The following KDM6A variants were observed in gnomAD, a reference collection of about 807,000 sequenced individuals.
The protein encoded by KDM6A is lysine demethylase 6A.
Under a neutral mutation model 117.6 loss-of-function variants are expected in KDM6A, and 11 were observed. That is an observed-to-expected ratio of 0.09 (90% CI 0.06 to 0.15). KDM6A has a LOEUF of 0.15. Among genes scored for constraint, KDM6A ranks in the 10% least tolerant of loss-of-function variants. The probability of loss-of-function intolerance (pLI) is 1.00; values close to 1 mark genes in which losing one functional copy is unlikely to be tolerated. For missense variants in KDM6A, 799 were observed against 1,077.3 expected (o/e 0.74, Z 3.62); for synonymous variants, 384 against 396.1 (o/e 0.97, Z 0.36).
intron 2 of KDM6A, among the ~76,000 whole-genome samples, chrX:44,914,494 G>A (rs1191983790): frequency 9.1e-6 from 1 of 110,426 alleles, no homozygotes; most frequent in Non-Finnish European, 1.9e-5. Context: ...GGTAGATAAA[G>A]GAAATGAAGG....
At chrX:44,951,925 C>G (rs1393295894) in intron 2 of KDM6A, among the ~76,000 whole-genome samples, 3 of 111,181 alleles carry the variant, frequency 2.7e-5, no homozygotes, top group Non-Finnish European at 5.7e-5. Flanking sequence ...TGTAATAGAC[C>G]CCATTTCATA....
intron 2 of KDM6A, among the ~76,000 whole-genome samples, chrX:44,886,161 G>A (rs950771632): frequency 3.7e-5 from 4 of 108,703 alleles, no homozygotes; most frequent in African/African-American, 1.0e-4. Context: ...GGGTTCAAGC[G>A]ATTCTTCTGC....
chrX:44,880,716 AAGG>A (rs1304658404), intron 2 of KDM6A, among the ~76,000 whole-genome samples: 1 of 109,283 alleles, frequency 9.2e-6, no homozygotes, highest in Non-Finnish European at 1.9e-5. Context: ...TGTTTGAACC[AAGG>A]AGGCGGAGGT....
At chrX:45,097,527 A>G (rs1252083539) in intron 27 of KDM6A, among the ~76,000 whole-genome samples, 2 of 111,284 alleles carry the variant, frequency 1.8e-5, no homozygotes, top group Non-Finnish European at 3.8e-5. Context: ...AAGTAGCCCC[A>G]GGTCAAATTT....
At chrX:45,012,170 A>G (rs1288297492) in intron 5 of KDM6A, among the ~76,000 whole-genome samples, 3 of 103,766 alleles carry the variant, frequency 2.9e-5, no homozygotes, top group Non-Finnish European at 5.9e-5. Context: ...GATACAGTAC[A>G]TTTTATAAAA....
chrX:44,966,869 C>CTTTTTT (rs1228583337), intron 3 of KDM6A, among the ~76,000 whole-genome samples: 6 of 88,930 alleles, frequency 6.7e-5, no homozygotes, highest in African/African-American at 9.2e-5. Context: ...CTCTCTCTCT[C>CTTTTTT]TTTTTTTTTT....
chrX:45,102,296 A>AT (rs2046364566), intron 27 of KDM6A, among the ~76,000 whole-genome samples: 1 of 111,746 alleles, frequency 8.9e-6, no homozygotes, highest in Non-Finnish European at 1.9e-5. Context: ...TATCAGACAA[A>AT]TTAGGTCTTT....
chrX:45,028,114 G>A (rs993322232), intron 6 of KDM6A, among the ~76,000 whole-genome samples: 1 of 111,883 alleles, frequency 8.9e-6, no homozygotes, highest in Non-Finnish European at 1.9e-5. Flanking sequence ...CGCCCGGCCT[G>A]TACTTTTTAT....
In KDM6A at chrX:45,047,803, C is replaced by G. The variant is rs2043638998; in HGVS notation, c.655-3906C>G. On this transcript the variant is annotated intron_variant, in intron 8 of 29. Transcript: ENST00000611820. ...GGTTCAAGCGATTCTCGTGCCTCAG[C>G]CTTCCAAGTAGCTGAGACTACAGGC... Among the ~76,000 whole-genome samples the G allele has an allele frequency of 2.9e-5, 3 of 102,891 alleles. No individual in the cohort carries two copies. The Admixed American group carries it at 3.3e-4, about 11-fold the overall frequency. The allele number at this position is 102,891 out of a possible 115,157, so 89.3% of individuals were successfully genotyped here.
Position 44,917,799 on chromosome X carries a change from T to G in KDM6A, c.226-43485T>G, listed in dbSNP as rs929736531. On this transcript the variant is annotated intron_variant, in intron 2 of 29. Coordinates refer to ENST00000611820, the MANE Select transcript of KDM6A (RefSeq NM_001291415.2). ...AACCAAGGTTTGTTAAGTTTTATTT[T>G]TAATCTGAGTTTTAAGGCTGTTATT... Among the ~76,000 whole-genome samples the G allele has an allele frequency of 2.8e-4, 31 of 112,442 alleles. 1 individual carries two copies. Among genetic ancestry groups the G allele is most frequent in the African/African-American group, 1.0e-3 (31 of 30,954 alleles).
chrX:45,041,876 G>C (rs1338468506), intron 8 of KDM6A, among the ~76,000 whole-genome samples: 4 of 110,813 alleles, frequency 3.6e-5, no homozygotes, highest in Admixed American at 9.4e-5. Context: ...CTGCAATCTC[G>C]GCACTTTGGG....
intron 4 of KDM6A, among the ~76,000 whole-genome samples, chrX:44,988,791 C>T (rs941575195): frequency 5.4e-5 from 6 of 110,618 alleles, no homozygotes; most frequent in Non-Finnish European, 1.1e-4. Flanking sequence ...CAGGAGTACC[C>T]GGTCATGTGA....
intron 8 of KDM6A, among the ~76,000 whole-genome samples, chrX:45,043,284 C>A (rs182498729): frequency 3.0e-3 from 326 of 109,323 alleles, no homozygotes; most frequent in African/African-American, 0.01. Context: ...AGCGAGACCC[C>A]GTCTCAAACA....
chrX:44,916,024 G>A (rs1284486132), intron 2 of KDM6A, among the ~76,000 whole-genome samples: 2 of 111,287 alleles, frequency 1.8e-5, no homozygotes, highest in East Asian at 5.6e-4. Flanking sequence ...AACTTTTATC[G>A]TAATTTATTG....
At chrX:45,054,613 C>T (rs928245603) in intron 10 of KDM6A, among the ~76,000 whole-genome samples, 12 of 111,689 alleles carry the variant, frequency 1.1e-4, no homozygotes, top group Non-Finnish European at 1.5e-4. Flanking sequence ...GCATAAGTAT[C>T]TGATAGATTA....
chrX:44,914,036 G>A (rs903139070), intron 2 of KDM6A, among the ~76,000 whole-genome samples: 10 of 112,181 alleles, frequency 8.9e-5, no homozygotes, highest in African/African-American at 2.9e-4. Context: ...GATGTGTCAG[G>A]TTATAAATAA....
chrX:44,950,282 G>C (rs1040189553), intron 2 of KDM6A, among the ~76,000 whole-genome samples: 2 of 111,406 alleles, frequency 1.8e-5, no homozygotes, highest in Admixed American at 9.6e-5. Context: ...CCAAAGTGCT[G>C]GGATTACTTT....
intron 27 of KDM6A, among the ~76,000 whole-genome samples, chrX:45,097,376 A>G (rs751149427): frequency 9.0e-6 from 1 of 111,702 alleles, no homozygotes; most frequent in Non-Finnish European, 1.9e-5. Flanking sequence ...TGTTTTTTAG[A>G]TTTAGAAAGG....
intron 5 of KDM6A, 103 bp from the exon 6 acceptor site, chrX:45,020,507 C>T: frequency 2.2e-6 from 2 of 891,604 alleles, no homozygotes; most frequent in South Asian, 2.3e-5. Flanking sequence ...CCAACATTTC[C>T]TTTAAAACAA....
Sources: allele counts gnomAD v4.1 joint callset (sites outside exome capture counted in the v4.1 genomes callset), GRCh38; gene constraint gnomAD v4.1.1; transcripts MANE v1.5; gene names NCBI Gene and HGNC (gene_info 2026-07-23, HGNC 2026-07-21).